The following SRPK2 variants were observed in gnomAD, a reference collection of about 807,000 sequenced individuals.
SRPK2 encodes the protein SFRS protein kinase 2.
In SRPK2, 21 loss-of-function variants were observed where a neutral mutation model predicts 90.8. That is an observed-to-expected ratio of 0.23 (90% confidence interval 0.16 to 0.33). The LOEUF (loss-of-function observed/expected upper bound fraction) is 0.33, where lower values mean the gene tolerates loss of function less well. Among genes scored for constraint, SRPK2 ranks in the 10% least tolerant of loss-of-function variants. The pLI, the probability that SRPK2 is intolerant of heterozygous loss-of-function variation, is 1.00. For synonymous variants in SRPK2, 288 were observed against 311.1 expected, an observed-to-expected ratio of 0.93 and a Z score of 0.78; for missense variants, 620 against 869.0, an observed-to-expected ratio of 0.71 and a Z score of 3.60.
intron 3 of SRPK2, among the ~76,000 whole-genome samples, chr7:105,172,619 T>C (rs1253168870): frequency 6.6e-6 from 1 of 152,186 alleles, no homozygotes; most frequent in East Asian, 1.9e-4. Context: ...TGGTATTATT[T>C]CTACAATGCT....
chr7:105,149,115 A>G (rs1805128104), intron 7 of SRPK2, among the ~76,000 whole-genome samples: 1 of 152,132 alleles, frequency 6.6e-6, no homozygotes, highest in Non-Finnish European at 1.5e-5. Context: ...GGATTAGTAA[A>G]AGAGGAAAGC....
chr7:105,352,100 C>T (rs149603378), intron 2 of SRPK2, among the ~76,000 whole-genome samples: 2 of 152,294 alleles, frequency 1.3e-5, no homozygotes, highest in African/African-American at 4.8e-5. Flanking sequence ...AGCAGCAGAG[C>T]TGGGTCTAGA....
At chr7:105,128,753 G>T (rs1801562687) in intron 13 of SRPK2, among the ~76,000 whole-genome samples, 1 of 152,064 alleles carries the variant, frequency 6.6e-6, no homozygotes, top group Non-Finnish European at 1.5e-5. Context: ...TTTAGAGAAG[G>T]GACCTCGCTA....
chr7:105,388,533 CG>C, intron 2 of SRPK2, 114 bp downstream of exon 2: 1 of 887,946 alleles, frequency 1.1e-6, no homozygotes, highest in South Asian at 2.9e-5. Context: ...GCCAGCGTCC[CG>C]GGGGACCAGC....
chr7:105,137,229 A>T (rs1297682874), intron 11 of SRPK2, among the ~76,000 whole-genome samples: 2 of 152,182 alleles, frequency 1.3e-5, no homozygotes, highest in Non-Finnish European at 2.9e-5. Flanking sequence ...GTGTAGAATG[A>T]ATTAGGGAAA....
chr7:105,166,568 G>A (rs941875204), intron 6 of SRPK2, among the ~76,000 whole-genome samples: 38 of 152,240 alleles, frequency 2.5e-4, no homozygotes, highest in African/African-American at 8.7e-4. Context: ...CTTGAGTGAC[G>A]AATTTACAAC....
upstream of SRPK2, among the ~76,000 whole-genome samples, chr7:105,390,610 T>TTTTG (rs1563326690): frequency 7.8e-6 from 1 of 128,732 alleles, no homozygotes; most frequent in African/African-American, 3.2e-5. Context: ...TGTTTTTGTT[T>TTTTG]TTTTTTTTTT....
At chr7:105,370,051 A>ACAACAACAAC (rs1563298619) in intron 2 of SRPK2, among the ~76,000 whole-genome samples, 1 of 151,562 alleles carries the variant, frequency 6.6e-6, no homozygotes, top group Non-Finnish European at 1.5e-5. Flanking sequence ...AACAACAACA[A>ACAACAACAAC]AAGTGACCAA....
intron 3 of SRPK2, among the ~76,000 whole-genome samples, chr7:105,194,950 C>T (rs1489991362): frequency 6.6e-6 from 1 of 152,208 alleles, no homozygotes; most frequent in East Asian, 1.9e-4. Context: ...ATAAATGGTG[C>T]TGCAGCAACA....
intron 1 of SRPK2, among the ~76,000 whole-genome samples, chr7:105,396,695 A>G (rs1221875549): frequency 2.9e-5 from 4 of 140,306 alleles, no homozygotes; most frequent in Non-Finnish European, 3.1e-5. Context: ...GTAGGAGGAG[A>G]AGGAGGAGGA....
chr7:105,224,770 C>T (rs1437993799), intron 2 of SRPK2, among the ~76,000 whole-genome samples: 1 of 152,156 alleles, frequency 6.6e-6, no homozygotes, highest in Non-Finnish European at 1.5e-5. Context: ...AGTTAAAATA[C>T]ATCATGAAAT....
At chr7:105,356,290 T>C (rs767278992) in intron 2 of SRPK2, among the ~76,000 whole-genome samples, 3 of 151,984 alleles carry the variant, frequency 2.0e-5, no homozygotes, top group African/African-American at 7.2e-5. Context: ...AGGCACTAAG[T>C]AAAATAGGCC....
chr7:105,292,495 C>A (rs1809171761), intron 2 of SRPK2, among the ~76,000 whole-genome samples: 1 of 29,290 alleles, frequency 3.4e-5, no homozygotes, highest in Non-Finnish European at 8.7e-5. Context: ...GAGTAAGACT[C>A]TCAAAAAAAA....
At chr7:105,318,381 C>G (rs879336024) in intron 2 of SRPK2, among the ~76,000 whole-genome samples, 4 of 152,224 alleles carry the variant, frequency 2.6e-5, no homozygotes, top group Admixed American at 2.0e-4. Context: ...AGGCGTGAGC[C>G]ACTGCACCCA....
Position 105,388,574 on chromosome 7 carries a change from T to C in SRPK2, c.71+74A>G, listed in dbSNP as rs1481908859. 6 of 1,402,912 alleles carry C rather than the reference T, an allele frequency of 4.3e-6. No homozygotes were observed. In the East Asian group the frequency reaches 8.5e-5, roughly 20 times the overall value. 86.9% of individuals were successfully genotyped at this position (1,402,912 alleles called of 1,614,324 possible). ...CCGCCGGCCCGGGGACCCGGACAAC[T>C]TTCCCCTGCGCGGCCGCGGGCGCCC... On this transcript the variant is annotated intron_variant, in intron 2 of 15. Transcript: ENST00000393651.
intron 2 of SRPK2, among the ~76,000 whole-genome samples, chr7:105,307,081 G>C (rs1811226008): frequency 6.6e-6 from 1 of 152,136 alleles, no homozygotes; most frequent in African/African-American, 2.4e-5. Flanking sequence ...TTTAATTTAA[G>C]GGTCAGATTT....
At chr7:105,362,640 A>G (rs1005939711) in intron 2 of SRPK2, among the ~76,000 whole-genome samples, 1 of 152,056 alleles carries the variant, frequency 6.6e-6, no homozygotes, top group African/African-American at 2.4e-5. Context: ...CAGTGTGGTG[A>G]TTTCTCAAGG....
At chr7:105,340,435 C>T (rs954771466) in intron 2 of SRPK2, among the ~76,000 whole-genome samples, 10 of 132,000 alleles carry the variant, frequency 7.6e-5, no homozygotes, top group Non-Finnish European at 1.2e-4. Flanking sequence ...AGGTCTTGCT[C>T]TGTCACCCAG....
upstream of SRPK2, chr7:105,389,127 G>T: frequency 2.0e-6 from 2 of 979,388 alleles, no homozygotes; most frequent in African/African-American, 3.8e-5. Flanking sequence ...CCCCACCCCA[G>T]CCCGCGGCCC....
Sources: gnomAD v4.1 joint callset for allele counts (sites outside exome capture counted in the v4.1 genomes callset) on GRCh38, gnomAD v4.1.1 for gene constraint, MANE v1.5 for transcripts, NCBI Gene and HGNC (gene_info 2026-07-23, HGNC 2026-07-21) for gene names.